Variants in RHOT1 observed in about 807,000 individuals in gnomAD.
RHOT1 encodes the protein mitochondrial Rho GTPase 1.
RHOT1 carries 27 observed loss-of-function variants against 95.3 expected under a neutral mutation model. The observed-to-expected ratio is 0.28, with a 90% confidence interval of 0.21 to 0.39. The LOEUF (loss-of-function observed/expected upper bound fraction) is 0.39. Ranked by LOEUF, RHOT1 falls within the 10% of genes least tolerant of loss-of-function variation. RHOT1 has a pLI of 1.00. For missense variants in RHOT1, 578 were observed against 786.7 expected (o/e 0.73, Z 3.17); for synonymous variants, 227 against 263.5 (o/e 0.86, Z 1.34).
At chr17:32,221,150 C>A in intron 19 of RHOT1, 1 of 472,648 alleles carries the variant, frequency 2.1e-6, no homozygotes, top group Non-Finnish European at 2.8e-6. Flanking sequence ...GGTGGATCAC[C>A]TGAGATCAGG....
intron 19 of RHOT1, among the ~76,000 whole-genome samples, chr17:32,220,524 T>TA (rs2038763283): frequency 6.6e-6 from 1 of 152,002 alleles, no homozygotes; most frequent in African/African-American, 2.4e-5. Context: ...TGCAGCTGTG[T>TA]AAAAAATACA....
chr17:32,153,582 C>T (rs2032584592), intron 1 of RHOT1, among the ~76,000 whole-genome samples: 1 of 152,188 alleles, frequency 6.6e-6, no homozygotes, highest in Non-Finnish European at 1.5e-5. Flanking sequence ...ATCACTTGAG[C>T]CAGGAGTTCA....
chr17:32,213,885 T>C (rs374377855), intron 19 of RHOT1, among the ~76,000 whole-genome samples: 3 of 152,316 alleles, frequency 2.0e-5, no homozygotes, highest in South Asian at 4.1e-4. Context: ...CTATTGTGCA[T>C]AGTAAATTAT....
chr17:32,155,026 G>T (rs2032798933), intron 1 of RHOT1, among the ~76,000 whole-genome samples: 1 of 152,124 alleles, frequency 6.6e-6, no homozygotes, highest in African/African-American at 2.4e-5. Context: ...TGAGGTTGCA[G>T]TGAGCTGTGA....
intron 19 of RHOT1, among the ~76,000 whole-genome samples, chr17:32,216,268 A>G (rs184224623): frequency 2.0e-5 from 3 of 151,872 alleles, no homozygotes; most frequent in Non-Finnish European, 2.9e-5. Context: ...GATACTCTCA[A>G]TCTCCTTCCC....
chr17:32,214,309 G>A (rs556572043), intron 19 of RHOT1, among the ~76,000 whole-genome samples: 13 of 152,282 alleles, frequency 8.5e-5, no homozygotes, highest in Admixed American at 3.9e-4. Context: ...AGCTCTGGCC[G>A]TTTGTTGTTG....
chr17:32,212,431 A>G (rs910880985), intron 19 of RHOT1, among the ~76,000 whole-genome samples: 1 of 152,142 alleles, frequency 6.6e-6, no homozygotes, highest in African/African-American at 2.4e-5. Context: ...GTGCTTTAGC[A>G]CCTTGTAAAG....
At chr17:32,188,954 G>C (rs947825460) in intron 8 of RHOT1, among the ~76,000 whole-genome samples, 1 of 152,142 alleles carries the variant, frequency 6.6e-6, no homozygotes, top group Non-Finnish European at 1.5e-5. Context: ...TCCGAATCCA[G>C]TATTTCCCAA....
chr17:32,149,635 A>ATATATATATG lies in RHOT1; in HGVS notation c.37+6907_37+6908insATATATATGT, dbSNP rs1445281403. 2.1e-3 allele frequency among the ~76,000 whole-genome samples: 122 copies of ATATATATATG among 59,018 alleles called. 2 individuals are homozygous for ATATATATATG. The highest frequency in any genetic ancestry group is 3.1e-3 in the Non-Finnish European group (90 of 29,204). The allele number at this position is 59,018 out of a possible 152,430, so 38.7% of individuals were successfully genotyped here. ...TATATATATATATATATATATATAT[A>ATATATATATG]TGTGTGTGTGTGTGTGTGTGTGTGT... On this transcript the variant is annotated intron_variant, in intron 1 of 19. Coordinates refer to ENST00000545287, the MANE Select transcript of RHOT1 (RefSeq NM_001033566.3).
intron 8 of RHOT1, among the ~76,000 whole-genome samples, chr17:32,183,954 G>A (rs756431273): frequency 2.6e-5 from 4 of 152,214 alleles, no homozygotes; most frequent in Middle Eastern, 3.2e-3. Context: ...CCAAAGTGCC[G>A]GGATTACAGG....
At chr17:32,150,448 A>G in intron 1 of RHOT1, 3 of 747,156 alleles carry the variant, frequency 4.0e-6, no homozygotes, top group Non-Finnish European at 6.6e-6. Flanking sequence ...TCCAAAGTCT[A>G]CCATATTGGA....
At chr17:32,176,385 C>T (rs746552145) in intron 6 of RHOT1, among the ~76,000 whole-genome samples, 172 bp downstream of exon 6, 8 of 152,030 alleles carry the variant, frequency 5.3e-5, no homozygotes, top group Admixed American at 3.9e-4. Flanking sequence ...CACACACCCA[C>T]GTGCCTTTTT....
intron 1 of RHOT1, among the ~76,000 whole-genome samples, chr17:32,160,689 C>T (rs1024206336): frequency 1.2e-4 from 19 of 152,174 alleles, no homozygotes; most frequent in Admixed American, 8.5e-4. Context: ...GTTGCAGCCT[C>T]GCAGGGAGAT....
chr17:32,166,990 T>C (rs1040278436), intron 1 of RHOT1, among the ~76,000 whole-genome samples: 4 of 152,232 alleles, frequency 2.6e-5, no homozygotes, highest in African/African-American at 7.2e-5. Context: ...GAGGAATCAC[T>C]ATCTATGGCA....
intron 1 of RHOT1, among the ~76,000 whole-genome samples, chr17:32,154,352 G>A (rs1273005737): frequency 6.6e-6 from 1 of 151,218 alleles, no homozygotes; most frequent in African/African-American, 2.4e-5. Context: ...AGGCTGAGGT[G>A]GGCAGATCAC....
chr17:32,143,022 G>A, intron 1 of RHOT1: 1 of 702,396 alleles, frequency 1.4e-6, no homozygotes. Context: ...CTAACCGCCC[G>A]ACCTCATCCC....
At chr17:32,161,305 C>T (rs1315938747) in intron 1 of RHOT1, among the ~76,000 whole-genome samples, 1 of 152,146 alleles carries the variant, frequency 6.6e-6, no homozygotes, top group Admixed American at 6.6e-5. Context: ...GCCACAGGAT[C>T]GACTGAGTCA....
rs574486276 is a variant in RHOT1, at chr17:32,173,770, C to T, written c.97-61C>T. The T allele has an allele frequency of 1.5e-4, 161 of 1,080,906 alleles. 1 individual carries two copies. The South Asian group carries it at 2.1e-3, about 14-fold the overall frequency. The allele number at this position is 1,080,906 out of a possible 1,614,324, so 67.0% of individuals were successfully genotyped here. On this transcript the variant is annotated intron_variant, in intron 2 of 19. Transcript: ENST00000545287. ...GTAGATAAATTTATATCATCTATTACAAGTTTGAGTGATAATATTCAAAGG... is the reference window on the plus strand; with the variant it reads ...GTAGATAAATTTATATCATCTATTATAAGTTTGAGTGATAATATTCAAAGG...
At position 32,194,092 on chromosome 17, in the gene RHOT1, A is replaced by T. The variant is rs1309028292; in HGVS notation, c.854A>T (p.Glu285Val). 6.2e-7 allele frequency: 1 copy of T among 1,613,770 alleles called. No homozygotes were observed. Among genetic ancestry groups the T allele is most frequent in the African/African-American group, 1.3e-5 (1 of 74,856 alleles). Reference protein sequence around the residue: ...GYDDDLDLTPEYLFPLLKIPP... With the variant: ...GYDDDLDLTPVYLFPLLKIPP... Reference sequence around the variant, plus strand: ...GATGATGACCTGGATTTGACACCTGAATATTTGTTCCCCCTGTATGTACCT... The same window carrying T: ...GATGATGACCTGGATTTGACACCTGTATATTTGTTCCCCCTGTATGTACCT... The change falls in exon 11 of 20, where the codon GAA becomes GTA. Residue 285 changes from glutamate (E) to valine (V), a missense_variant. Physicochemically the swap from Glu to Val is moderately radical, Grantham distance 121. Transcript: ENST00000545287.
Sources: allele counts gnomAD v4.1 joint callset (sites outside exome capture counted in the v4.1 genomes callset), GRCh38; gene constraint gnomAD v4.1.1; transcripts MANE v1.5; gene names NCBI Gene and HGNC (gene_info 2026-07-23, HGNC 2026-07-21).